LIN28B: variants seen among roughly 807,000 people sequenced by gnomAD.
The protein encoded by LIN28B is lin-28 RNA binding posttranscriptional regulator B, also known as protein lin-28 homolog B.
LIN28B carries 5 observed loss-of-function variants against 21.9 expected under a neutral mutation model. That is an observed-to-expected ratio of 0.23 (90% CI 0.12 to 0.48). LIN28B has a LOEUF of 0.48. LIN28B is among the 20% of genes least tolerant of loss of function. The probability of loss-of-function intolerance (pLI) is 0.98; values close to 1 mark genes in which losing one functional copy is unlikely to be tolerated. For synonymous variants in LIN28B, 109 were observed against 111.3 expected (o/e 0.98, Z 0.13); for missense variants, 245 against 310.5 (o/e 0.79, Z 1.58).
chr6:104,975,411 A>G (rs951215109), intron 2 of LIN28B, among the ~76,000 whole-genome samples: 3 of 152,170 alleles, frequency 2.0e-5, no homozygotes, highest in African/African-American at 7.2e-5. Flanking sequence ...TGCTAACACT[A>G]AATCCCCACT....
At chr6:105,063,535 C>T (rs966180064) in intron 3 of LIN28B, among the ~76,000 whole-genome samples, 7 of 149,572 alleles carry the variant, frequency 4.7e-5, no homozygotes, top group Admixed American at 6.9e-5. Flanking sequence ...ACTCGAGAGG[C>T]TGAGGCACAA....
chr6:105,000,470 A>G (rs562686776), intron 2 of LIN28B, among the ~76,000 whole-genome samples: 2 of 152,152 alleles, frequency 1.3e-5, no homozygotes, highest in African/African-American at 2.4e-5. Flanking sequence ...AGTCACTTAT[A>G]AATACCTTTA....
chr6:105,048,704 G>A (rs192607877), intron 3 of LIN28B, among the ~76,000 whole-genome samples: 7 of 152,080 alleles, frequency 4.6e-5, no homozygotes, highest in African/African-American at 1.2e-4. Context: ...TCCTGTTATC[G>A]GTCTATTCAG....
At chr6:105,072,666 A>T (rs1443067124) in intron 3 of LIN28B, among the ~76,000 whole-genome samples, 1 of 152,236 alleles carries the variant, frequency 6.6e-6, no homozygotes, top group Non-Finnish European at 1.5e-5. Context: ...TAGAATATAT[A>T]AAAATTTAAG....
intron 2 of LIN28B, among the ~76,000 whole-genome samples, chr6:104,978,336 G>A (rs1016630953): frequency 2.0e-5 from 3 of 152,170 alleles, no homozygotes; most frequent in Admixed American, 2.0e-4. Flanking sequence ...TGAAGTGGCA[G>A]TCTCATTGGG....
intron 2 of LIN28B, among the ~76,000 whole-genome samples, chr6:104,980,924 C>T (rs559940619): frequency 1.1e-4 from 17 of 152,116 alleles, no homozygotes; most frequent in Non-Finnish European, 1.8e-4. Context: ...CTGTCATATT[C>T]TGCCATATAT....
chr6:105,045,268 A>G (rs1311070632), intron 3 of LIN28B, among the ~76,000 whole-genome samples: 1 of 148,112 alleles, frequency 6.8e-6, no homozygotes, highest in East Asian at 2.0e-4. Context: ...TACTTCATAA[A>G]TTTGTATGTC....
At chr6:104,971,899 CTAT>C (rs1769991672) in intron 2 of LIN28B, among the ~76,000 whole-genome samples, 2 of 152,244 alleles carry the variant, frequency 1.3e-5, no homozygotes, top group Non-Finnish European at 2.9e-5. Context: ...ACACTAACAA[CTAT>C]TATTAAGCAT....
chr6:105,004,369 G>A (rs928877757), intron 2 of LIN28B, among the ~76,000 whole-genome samples: 2 of 152,116 alleles, frequency 1.3e-5, no homozygotes, highest in Non-Finnish European at 2.9e-5. Context: ...AATTTTATGC[G>A]CCTTTCCTCT....
intron 2 of LIN28B, among the ~76,000 whole-genome samples, chr6:104,972,799 G>T (rs1770005955): frequency 6.6e-6 from 1 of 151,918 alleles, no homozygotes; most frequent in African/African-American, 2.4e-5. Context: ...TATTTAAAAG[G>T]ATATGATATT....
chr6:105,020,747 C>CTTTTTTTTTTTTTTTTTTTTTTTTTTTT (rs1176851045), intron 2 of LIN28B, among the ~76,000 whole-genome samples: 1 of 85,386 alleles, frequency 1.2e-5, no homozygotes, highest in African/African-American at 5.5e-5. Context: ...TCATTCCACT[C>CTTTTTTTTTTTTTTTTTTTTTTTTTTTT]TTTTTTTTTT....
chr6:105,054,596 T>G (rs1362536709), intron 3 of LIN28B, among the ~76,000 whole-genome samples: 2 of 152,218 alleles, frequency 1.3e-5, no homozygotes, highest in Non-Finnish European at 2.9e-5. Context: ...AAAGGTGAAA[T>G]TATAGTTACC....
At chr6:105,060,044 C>T (rs1338103037) in intron 3 of LIN28B, among the ~76,000 whole-genome samples, 2 of 151,936 alleles carry the variant, frequency 1.3e-5, no homozygotes, top group African/African-American at 2.4e-5. Flanking sequence ...GCTGAGATTA[C>T]AGACATGCAC....
chr6:104,938,183 T>C (rs1778034403), intron 2 of LIN28B, among the ~76,000 whole-genome samples: 1 of 151,786 alleles, frequency 6.6e-6, no homozygotes, highest in Non-Finnish European at 1.5e-5. Flanking sequence ...AGGTCGAAGC[T>C]GCAGTAGCTA....
intron 3 of LIN28B, among the ~76,000 whole-genome samples, chr6:105,076,677 G>A (rs867862250): frequency 2.0e-5 from 3 of 151,812 alleles, no homozygotes; most frequent in Non-Finnish European, 4.4e-5. Context: ...GCGCAATCTC[G>A]GCTTACTGCA....
At chr6:104,991,637 G>A (rs1383847945) in intron 2 of LIN28B, among the ~76,000 whole-genome samples, 4 of 152,200 alleles carry the variant, frequency 2.6e-5, no homozygotes, top group Non-Finnish European at 5.9e-5. Flanking sequence ...CTGCAATCTC[G>A]GCACTTTGGG....
At chr6:105,029,370 A>G (rs545661280) in intron 3 of LIN28B, among the ~76,000 whole-genome samples, 28 of 152,206 alleles carry the variant, frequency 1.8e-4, no homozygotes, top group Non-Finnish European at 3.7e-4. Flanking sequence ...AGTGGGTGAC[A>G]GTATTGGGAT....
At chr6:105,019,307 A>C (rs1051240034) in intron 2 of LIN28B, among the ~76,000 whole-genome samples, 1 of 152,158 alleles carries the variant, frequency 6.6e-6, no homozygotes, top group East Asian at 1.9e-4. Flanking sequence ...AGATACATGA[A>C]TGAGGGATAG....
At chr6:104,958,069 G>C in intron 1 of LIN28B, 30 bp from the exon 2 acceptor site, 1 of 1,478,242 alleles carries the variant, frequency 6.8e-7, no homozygotes, top group Non-Finnish European at 9.1e-7. Flanking sequence ...TGGGAATACA[G>C]ACTGACTTTT....
Sources: gnomAD v4.1 joint callset for allele counts (sites outside exome capture counted in the v4.1 genomes callset) on GRCh38, gnomAD v4.1.1 for gene constraint, MANE v1.5 for transcripts, NCBI Gene and HGNC (gene_info 2026-07-23, HGNC 2026-07-21) for gene names.